The following DNAJC2 variants were observed in gnomAD, a reference collection of about 807,000 sequenced individuals.
DNAJC2 encodes the protein DnaJ heat shock protein family (Hsp40) member C2, also known as dnaJ homolog subfamily C member 2.
In DNAJC2, 32 loss-of-function variants were observed where a neutral mutation model predicts 94.0. The ratio of observed to expected loss-of-function variants is 0.34; its 90% CI spans 0.26 to 0.46. DNAJC2 has a LOEUF of 0.46. Among genes scored for constraint, DNAJC2 ranks in the 20% least tolerant of loss-of-function variants. The pLI is 1.00. For synonymous variants in DNAJC2, 210 were observed against 229.7 expected, an observed-to-expected ratio of 0.91 and a Z score of 0.77; for missense variants, 550 against 719.5, an observed-to-expected ratio of 0.76 and a Z score of 2.69.
Position 103,322,177 on chromosome 7 carries a change from A to G in DNAJC2, c.934-96T>C, listed in dbSNP as rs905722768. On this transcript the variant is annotated intron_variant, in intron 9 of 16. Coordinates refer to ENST00000379263, the MANE Select transcript of DNAJC2 (RefSeq NM_014377.3). ...ATTTAAACTTTTAATAAATTATATT[A>G]GGAAAAAAGGCAACATAAACTTATT... The G allele has an allele frequency of 3.2e-6, 3 of 937,348 alleles. No individual in the cohort carries two copies. In the African/African-American group the frequency reaches 5.0e-5, roughly 16 times the overall value. 58.1% of individuals were successfully genotyped at this position (937,348 alleles called of 1,614,324 possible). A position where few individuals can be genotyped will look rare whatever the true frequency, so the allele number is the denominator to read the frequency against.
intron 15 of DNAJC2, 84 bp downstream of exon 15, chr7:103,315,680 C>T: frequency 2.3e-6 from 2 of 856,470 alleles, no homozygotes. Context: ...CCCTATCATT[C>T]TGAACATAGA....
chr7:103,337,053 G>C, intron 3 of DNAJC2: 1 of 152,132 alleles, frequency 6.6e-6, no homozygotes, highest in East Asian at 1.9e-4. Flanking sequence ...CTCTAGAGTG[G>C]AGGGCAGAAC....
chr7:103,314,169 G>T, intron 15 of DNAJC2: 1 of 985,366 alleles, frequency 1.0e-6, no homozygotes, highest in Non-Finnish European at 1.2e-6. Context: ...GAATTTCCTT[G>T]TATTGGTTTA....
intron 3 of DNAJC2, among the ~76,000 whole-genome samples, chr7:103,329,816 C>T (rs955385387): frequency 3.3e-5 from 5 of 152,108 alleles, no homozygotes; most frequent in Non-Finnish European, 5.9e-5. Flanking sequence ...GCTTATTTGT[C>T]TTGCATCTAG....
chr7:103,326,252 A>G (rs145071587), intron 5 of DNAJC2, among the ~76,000 whole-genome samples: 175 of 152,332 alleles, frequency 1.1e-3, no homozygotes, highest in African/African-American at 4.1e-3. Flanking sequence ...TGCTGGGATT[A>G]CAGGTGTGAA....
Position 103,312,406 on chromosome 7 carries a change from C to A in DNAJC2, c.*163G>T. 2 of 1,511,370 alleles carry A rather than the reference C, an allele frequency of 1.3e-6. No homozygotes were observed. Among genetic ancestry groups the A allele is most frequent in the East Asian group, 2.4e-5 (1 of 41,692 alleles). The allele number at this position is 1,511,370 out of a possible 1,614,324, so 93.6% of individuals were successfully genotyped here. On this transcript the variant is annotated 3_prime_UTR_variant, in exon 17 of 17. Transcript: ENST00000379263. The stretch of plus-strand genomic sequence containing the variant: ...ATACTTTCAAAGGATAAAAAGACTA[C>A]CCCTCTGAAGGTTGTTTTGTATTAA...
In DNAJC2 at chr7:103,341,654, G is replaced by C. The variant is rs1295324287; in HGVS notation, c.255+110C>G. ...AGTAATAAACAGATGCTAAATCATA[G>C]TTATCTTGCTGAATCATCTTAAAAC... On this transcript the variant is annotated intron_variant, in intron 2 of 16. Transcript: ENST00000379263. The C allele has an allele frequency of 1.3e-5, 12 of 898,378 alleles. No homozygotes were observed. The East Asian group carries it at 2.3e-4, about 17-fold the overall frequency. 55.7% of individuals were successfully genotyped at this position (898,378 alleles called of 1,614,324 possible). A position where few individuals can be genotyped will look rare whatever the true frequency, so the allele number is the denominator to read the frequency against.
Position 103,331,737 on chromosome 7 carries a change from T to C in DNAJC2, c.332-3983A>G, listed in dbSNP as rs368419453. On this transcript the variant is annotated intron_variant, in intron 3 of 16. Coordinates refer to ENST00000379263, the MANE Select transcript of DNAJC2 (RefSeq NM_014377.3). ...ATCCCATTGTATACATATACTTTTC[T>C]TTATCAACTAGTCTGCTGATGGACA... Among the ~76,000 whole-genome samples, 83 of 152,362 alleles carry C rather than the reference T, an allele frequency of 5.4e-4. No individual in the cohort carries two copies. The South Asian group carries it at 0.01, about 19-fold the overall frequency.
Position 103,337,749 on chromosome 7 carries a change from C to T in DNAJC2, c.318G>A (p.Gln106=), listed in dbSNP as rs1156777048. ...GHVRYKATQR[Q]IKAAHKAMVL... is the part of the protein sequence containing the mutation. ...CTAAGTACTTACGAGCTGCTTTGAT[C>T]TGTCTCTGTGTAGCCTTGTATCTCA... Residue 106 remains glutamine (Q), a synonymous_variant, in exon 3 of 17, where the codon CAG becomes CAA. Coordinates refer to ENST00000379263, the MANE Select transcript of DNAJC2 (RefSeq NM_014377.3). The T allele has an allele frequency of 1.9e-6, 3 of 1,613,382 alleles. No individual in the cohort carries two copies. Among genetic ancestry groups the T allele is most frequent in the Non-Finnish European group, 2.5e-6 (3 of 1,179,624 alleles).
chr7:103,317,055 T>A, intron 12 of DNAJC2, 41 bp from the exon 13 acceptor site: 1 of 1,540,022 alleles, frequency 6.5e-7, no homozygotes, highest in Non-Finnish European at 8.9e-7. Flanking sequence ...AAGTATACTG[T>A]ATTGCTATTC....
intron 12 of DNAJC2, 47 bp from the exon 13 acceptor site, chr7:103,317,061 T>C (rs1380974242): frequency 4.0e-6 from 6 of 1,494,866 alleles, no homozygotes; most frequent in African/African-American, 1.4e-5. Context: ...ACTGTATTGC[T>C]ATTCTACACT....
chr7:103,314,544 C>G (rs1817939652), intron 15 of DNAJC2: 1 of 985,238 alleles, frequency 1.0e-6, no homozygotes, highest in African/African-American at 1.7e-5. Flanking sequence ...AGAGCTGAGA[C>G]TAGTGTGCTA....
chr7:103,328,876 T>A, intron 3 of DNAJC2: 1 of 527,640 alleles, frequency 1.9e-6, no homozygotes, highest in Non-Finnish European at 2.9e-6. Flanking sequence ...ATAATGCCAA[T>A]TTGAATAATT....
At chr7:103,330,989 C>T (rs1311463340) in intron 3 of DNAJC2, among the ~76,000 whole-genome samples, 1 of 151,042 alleles carries the variant, frequency 6.6e-6, no homozygotes, top group Non-Finnish European at 1.5e-5. Context: ...GATGGAGTCT[C>T]ACTCTGTTGG....
intron 7 of DNAJC2, among the ~76,000 whole-genome samples, chr7:103,323,121 G>C (rs1308095330): frequency 6.6e-6 from 1 of 152,076 alleles, no homozygotes; most frequent in East Asian, 1.9e-4. Context: ...GTAGAGACAG[G>C]GTTTCGCCAT....
intron 3 of DNAJC2, among the ~76,000 whole-genome samples, chr7:103,332,294 T>C (rs888112452): frequency 4.6e-5 from 7 of 152,232 alleles, no homozygotes; most frequent in African/African-American, 1.7e-4. Flanking sequence ...CGTGAGCCAC[T>C]GCACCCAGCG....
Position 103,312,417 on chromosome 7 carries a change from G to GTTGT in DNAJC2, c.*148_*151dup, listed in dbSNP as rs1817795437. 6.6e-7 allele frequency: 1 copy of GTTGT among 1,508,960 alleles called. No homozygotes were observed. The highest frequency in any genetic ancestry group is 1.4e-5 in the African/African-American group (1 of 70,932). 93.5% of individuals were successfully genotyped at this position (1,508,960 alleles called of 1,614,324 possible). A position where few individuals can be genotyped will look rare whatever the true frequency, so the allele number is the denominator to read the frequency against. On this transcript the variant is annotated 3_prime_UTR_variant, in exon 17 of 17. Coordinates refer to ENST00000379263, the MANE Select transcript of DNAJC2 (RefSeq NM_014377.3). ...GGATAAAAAGACTACCCCTCTGAAG[G>GTTGT]TTGTTTTGTATTAATGGTCAGTCTT... is the stretch of plus-strand genomic sequence containing the variant.
intron 3 of DNAJC2, among the ~76,000 whole-genome samples, chr7:103,328,249 A>C (rs890376605): frequency 6.6e-6 from 1 of 152,082 alleles, no homozygotes; most frequent in African/African-American, 2.4e-5. Context: ...GAATTAGCCA[A>C]AGTGCCCCTA....
intron 1 of DNAJC2, among the ~76,000 whole-genome samples, chr7:103,343,796 T>A (rs1311297251): frequency 1.3e-5 from 2 of 152,168 alleles, no homozygotes; most frequent in Non-Finnish European, 2.9e-5. Context: ...GTGTGGCTTT[T>A]AAGAACACTG....
Sources: allele counts gnomAD v4.1 joint callset (sites outside exome capture counted in the v4.1 genomes callset), GRCh38; gene constraint gnomAD v4.1.1; transcripts MANE v1.5; gene names NCBI Gene and HGNC (gene_info 2026-07-23, HGNC 2026-07-21).